SPTB: variants seen among roughly 807,000 people sequenced by gnomAD.
The protein encoded by SPTB is spectrin beta, erythrocytic, also known as spectrin beta chain, erythrocytic.
In SPTB, 45 loss-of-function variants were observed where a neutral mutation model predicts 256.2. That is an observed-to-expected ratio of 0.18 (90% CI 0.14 to 0.23). The LOEUF (loss-of-function observed/expected upper bound fraction) is 0.23. SPTB is among the 10% of genes least tolerant of loss of function. The pLI, the probability that SPTB is intolerant of heterozygous loss-of-function variation, is 1.00. For synonymous variants in SPTB, 1,231 were observed against 1,243.1 expected (o/e 0.99, Z 0.21); for missense variants, 2,715 against 3,040.4 (o/e 0.89, Z 2.52).
intron 8 of SPTB, 118 bp downstream of exon 8, chr14:64,800,638 A>G (rs2082865496): frequency 1.1e-6 from 1 of 873,724 alleles, no homozygotes; most frequent in African/African-American, 1.7e-5. Flanking sequence ...GCTTTAGAGG[A>G]AGTTGGGGGG....
rs370038528 is a variant in SPTB at position 64,772,998 on chromosome 14, G to T, written c.5179-44C>A. ...GAAATGTGGTTATGGGGGGCACAGG[G>T]GTTACAGGTGTCACCAGCTTAGCCA... On this transcript the variant is annotated intron_variant, in intron 25 of 35. Transcript: ENST00000644917. The surrounding 1 kb of genome is among the most constrained non-coding windows in gnomAD (Gnocchi z 5.4). 1.1e-5 allele frequency: 17 copies of T among 1,586,210 alleles called. No homozygotes were observed. The African/African-American group carries it at 1.9e-4, about 18-fold the overall frequency.
intron 10 of SPTB, among the ~76,000 whole-genome samples, chr14:64,797,467 CAA>C (rs57385615): frequency 1.4e-3 from 43 of 30,994 alleles, no homozygotes; most frequent in African/African-American, 2.8e-3. Context: ...ACCCTGTCTC[CAA>C]AAAAAAAAAA....
rs906839512 is a variant in SPTB at position 64,758,925 on chromosome 14, G to A, written c.6346-5132C>T. On this transcript the variant is annotated intron_variant, in intron 32 of 35. Coordinates refer to ENST00000644917, the MANE Select transcript of SPTB (RefSeq NM_001355436.2). The surrounding 1 kb of genome is among the most constrained non-coding windows in gnomAD (Gnocchi z 4.6). ...CTAGCCATGCCTCTGGGAGGGGTAT[G>A]TAGGTAGAATCAACAATGGGGGCCT... Among the ~76,000 whole-genome samples the A allele has an allele frequency of 2.6e-5, 4 of 151,094 alleles. No individual in the cohort carries two copies. Among genetic ancestry groups the A allele is most frequent in the Non-Finnish European group, 4.4e-5 (3 of 67,820 alleles).
Position 64,793,978 on chromosome 14 carries a change from C to T in SPTB, c.1796-111G>A. 1 of 1,174,530 alleles carries T rather than the reference C, an allele frequency of 8.5e-7. No individual in the cohort carries two copies. Among genetic ancestry groups the T allele is most frequent in the Non-Finnish European group, 1.2e-6 (1 of 854,874 alleles). 72.8% of individuals were successfully genotyped at this position (1,174,530 alleles called of 1,614,324 possible). A position where few individuals can be genotyped will look rare whatever the true frequency, so the allele number is the denominator to read the frequency against. Reference sequence around the variant, plus strand: ...ACACAACCCTGAAGCTGCCATGTCACTGGGGCTTTGGGGTTGGATGCAGGG... The same window carrying T: ...ACACAACCCTGAAGCTGCCATGTCATTGGGGCTTTGGGGTTGGATGCAGGG... On this transcript the variant is annotated intron_variant, in intron 13 of 35. Transcript: ENST00000644917. The surrounding 1 kb of genome is among the most constrained non-coding windows in gnomAD (Gnocchi z 7.0).
chr14:64,767,355 AGAG>A lies in SPTB; in HGVS notation c.6220-6_6220-4del, dbSNP rs569482220. 24 of 1,614,028 alleles carry A rather than the reference AGAG, an allele frequency of 1.5e-5. No homozygotes were observed. The highest frequency in any genetic ancestry group is 1.3e-4 in the East Asian group (6 of 44,886). On this transcript the variant is annotated splice_polypyrimidine_tract_variant and splice_region_variant and intron_variant, in intron 30 of 35. Transcript: ENST00000644917. The stretch of plus-strand genomic sequence containing the variant: ...ATCTGGCGTTCTTTCAGCTCAAGCT[AGAG>A]GAGGAGAAGGCCCAGGGGTCAGAGC...
At position 64,823,224 on chromosome 14, in the gene SPTB, T is replaced by C. The variant is rs1400383370; in HGVS notation, c.-51-79A>G. ...TCTCCGGGGAAACTTATTCGGAGCATCCAACGTGAGTAGATCCTGACAGAA... is the reference window on the plus strand; with the variant it reads ...TCTCCGGGGAAACTTATTCGGAGCACCCAACGTGAGTAGATCCTGACAGAA... On this transcript the variant is annotated intron_variant, in intron 1 of 35. Transcript: ENST00000644917. This position sits in a 1 kb window ranked among gnomAD's most constrained non-coding sequence, Gnocchi z 6.5. The C allele has an allele frequency of 9.1e-7, 1 of 1,094,222 alleles. No homozygotes were observed. The allele number at this position is 1,094,222 out of a possible 1,614,324, so 67.8% of individuals were successfully genotyped here. A position where few individuals can be genotyped will look rare whatever the true frequency, so the allele number is the denominator to read the frequency against.
In SPTB at chr14:64,780,888, T is replaced by C. The variant is rs1057369144; in HGVS notation, c.4267-957A>G. ...GTACAAAAACCGGCATATCAACCAATGGAACAGAGTAGAGAGTCCAGAAAT... is the reference window on the plus strand; with the variant it reads ...GTACAAAAACCGGCATATCAACCAACGGAACAGAGTAGAGAGTCCAGAAAT... On this transcript the variant is annotated intron_variant, in intron 20 of 35. Transcript: ENST00000644917. 2.6e-5 allele frequency among the ~76,000 whole-genome samples: 4 copies of C among 152,030 alleles called. No homozygotes were observed. The South Asian group carries it at 6.2e-4, about 24-fold the overall frequency.
rs1594814472 is a variant in SPTB, at chr14:64,822,368, T to TCACACACACA, written c.148+578_148+579insTGTGTGTGTG. 7.4e-3 allele frequency among the ~76,000 whole-genome samples: 4 copies of TCACACACACA among 538 alleles called. No homozygotes were observed. In the East Asian group the frequency reaches 0.088, roughly 12 times the overall value. 0.4% of individuals were successfully genotyped at this position (538 alleles called of 152,430 possible). Reference sequence around the variant, plus strand: ...CCCCCACCTTCTCTCTCTCTCTCTCTCTCTCTCACACACACACACACACAC... The same window carrying TCACACACACA: ...CCCCCACCTTCTCTCTCTCTCTCTCTCACACACACACTCTCTCACACACACACACACACAC... On this transcript the variant is annotated intron_variant, in intron 2 of 35. Coordinates refer to ENST00000644917, the MANE Select transcript of SPTB (RefSeq NM_001355436.2).
chr14:64,846,964 A>T (rs1448903178), intron 1 of SPTB, among the ~76,000 whole-genome samples: 1 of 152,170 alleles, frequency 6.6e-6, no homozygotes. Context: ...GCAACACGGC[A>T]TCAAGCTTGA....
intron 24 of SPTB, 22 bp downstream of exon 24, chr14:64,774,375 T>C (rs776691190): frequency 6.3e-7 from 1 of 1,580,146 alleles, no homozygotes; most frequent in East Asian, 2.3e-5. Flanking sequence ...CCTGACCGAG[T>C]CACCACAGGG....
intron 24 of SPTB, 84 bp from the exon 25 acceptor site, chr14:64,773,508 C>T (rs913802828): frequency 3.6e-6 from 5 of 1,399,978 alleles, no homozygotes; most frequent in Non-Finnish European, 5.0e-6. Flanking sequence ...ATATGCCAAC[C>T]ACAGCCCCCT....
Position 64,753,665 on chromosome 14 carries a change from C to T in SPTB, c.6474G>A (p.Thr2158=), listed in dbSNP as rs377565646. Residue 2158 remains threonine (T), a synonymous_variant, in exon 33 of 36, where the codon ACG becomes ACA. Transcript: ENST00000644917. The part of the protein sequence containing the change: ...TTEPLFKVLD[T]PLSEGDEPAT... ...CGGGCTCATCACCCTCGCTCAGAGG[C>T]GTATCTAGGACCTTAAAGAGGGGCT... is the stretch of plus-strand genomic sequence containing the variant. 57 of 1,613,614 alleles carry T rather than the reference C, an allele frequency of 3.5e-5. No homozygotes were observed. The highest frequency in any genetic ancestry group is 1.6e-4 in the Middle Eastern group (1 of 6,084).
chr14:64,855,846 C>G (rs866395183), intron 1 of SPTB, among the ~76,000 whole-genome samples: 1 of 152,228 alleles, frequency 6.6e-6, no homozygotes, highest in African/African-American at 2.4e-5. Flanking sequence ...TCTCTCGAGC[C>G]TCCACCCCTT....
intron 24 of SPTB, among the ~76,000 whole-genome samples, chr14:64,773,638 C>T (rs2139507844): frequency 6.6e-6 from 1 of 152,348 alleles, no homozygotes; most frequent in African/African-American, 2.4e-5. Flanking sequence ...TCCTGGAATT[C>T]TGTCCTGGAG....
At chr14:64,855,310 A>G (rs1594847019) in intron 1 of SPTB, among the ~76,000 whole-genome samples, 1 of 152,238 alleles carries the variant, frequency 6.6e-6, no homozygotes, top group Non-Finnish European at 1.5e-5. Context: ...AACAGAGGAC[A>G]CCAGCCTAGA....
At chr14:64,867,571 G>C (rs1218692706) in intron 1 of SPTB, among the ~76,000 whole-genome samples, 1 of 152,186 alleles carries the variant, frequency 6.6e-6, no homozygotes, top group Non-Finnish European at 1.5e-5. Flanking sequence ...GTTCATGGCT[G>C]TGCTGGGTGC....
chr14:64,755,870 C>T (rs1463519300), intron 32 of SPTB: 3 of 152,176 alleles, frequency 2.0e-5, no homozygotes, highest in Non-Finnish European at 4.4e-5. Flanking sequence ...GAGATATGCA[C>T]GTGCAATAAA....
chr14:64,781,230 T>C (rs774789928), intron 20 of SPTB, among the ~76,000 whole-genome samples: 5 of 152,194 alleles, frequency 3.3e-5, no homozygotes, highest in Non-Finnish European at 7.3e-5. Flanking sequence ...AAATGAGATC[T>C]AATTAAACTT....
At position 64,852,283 on chromosome 14, in the gene SPTB, T is replaced by C. The variant is rs578022918; in HGVS notation, c.-52+27509A>G. 2.4e-4 allele frequency among the ~76,000 whole-genome samples: 36 copies of C among 151,968 alleles called. No homozygotes were observed. The highest frequency in any genetic ancestry group is 2.1e-3 in the South Asian group (10 of 4,810). On this transcript the variant is annotated intron_variant, in intron 1 of 35. Transcript: ENST00000644917. This position sits in a 1 kb window ranked among gnomAD's most constrained non-coding sequence, Gnocchi z 4.2. The stretch of plus-strand genomic sequence containing the variant: ...ACAACAGGGAAGTAAGAGGAAAGCA[T>C]ATGTGGAGGCATGGAAGGATGGAAG...
Sources: allele counts gnomAD v4.1 joint callset (sites outside exome capture counted in the v4.1 genomes callset), GRCh38; gene constraint gnomAD v4.1.1; non-coding constraint Gnocchi (gnomAD v3.1); transcripts MANE v1.5; gene names NCBI Gene and HGNC (gene_info 2026-07-23, HGNC 2026-07-21).